CCDC83: variants seen among roughly 807,000 people sequenced by gnomAD.
CCDC83 encodes coiled-coil domain-containing protein 83.
A neutral mutation model predicts 50.1 loss-of-function variants in CCDC83; 54 were observed. The observed-to-expected ratio is 1.08, with a 90% CI of 0.87 to 1.35. The LOEUF (loss-of-function observed/expected upper bound fraction) is 1.35. Ranked by LOEUF, CCDC83 falls within the 40% of genes most tolerant of loss-of-function variation. CCDC83 has a pLI of 0.00. For missense variants in CCDC83, 518 were observed against 473.9 expected, an observed-to-expected ratio of 1.09 and a Z score of -0.86; for synonymous variants, 161 against 153.3, an observed-to-expected ratio of 1.05 and a Z score of -0.37.
At chr11:85,909,692 A>G (rs113193495) in intron 7 of CCDC83, among the ~76,000 whole-genome samples, 61 of 127,704 alleles carry the variant, frequency 4.8e-4, no homozygotes, top group African/African-American at 1.8e-3. Flanking sequence ...GCGTGATCTC[A>G]GCTCACTGTG....
chr11:85,910,419 T>C lies in CCDC83; in HGVS notation c.673-862T>C, dbSNP rs2093448262. Among the ~76,000 whole-genome samples the C allele has an allele frequency of 2.0e-5, 3 of 152,200 alleles. No individual in the cohort carries two copies. The South Asian group carries it at 6.2e-4, about 31-fold the overall frequency. ...AACAATATTTCATCTACCTGACAGT[T>C]CTCAGAATTACCTAGCACTCAGAGA... On this transcript the variant is annotated intron_variant, in intron 7 of 10. Coordinates refer to ENST00000342404, the MANE Select transcript of CCDC83 (RefSeq NM_001286159.2).
At chr11:85,908,264 T>C (rs2135125391) in intron 7 of CCDC83, among the ~76,000 whole-genome samples, 1 of 152,268 alleles carries the variant, frequency 6.6e-6, no homozygotes, top group South Asian at 2.1e-4. Context: ...GAAGGAGCCA[T>C]GCCTTATTCA....
Position 85,919,560 on chromosome 11 carries a change from G to A in CCDC83, c.*50G>A. ...AACTTTTCCTTATAAATGTTCTTTG[G>A]GAACTGAAGTATATCCGTTGCCCAT... On this transcript the variant is annotated 3_prime_UTR_variant, in exon 11 of 11. Coordinates refer to ENST00000342404, the MANE Select transcript of CCDC83 (RefSeq NM_001286159.2). 2.8e-6 allele frequency: 4 copies of A among 1,405,808 alleles called. No homozygotes were observed. The highest frequency in any genetic ancestry group is 3.9e-6 in the Non-Finnish European group (4 of 1,016,780). The allele number at this position is 1,405,808 out of a possible 1,614,324, so 87.1% of individuals were successfully genotyped here.
At chr11:85,879,777 G>A (rs2135024854) in intron 3 of CCDC83, among the ~76,000 whole-genome samples, 1 of 152,218 alleles carries the variant, frequency 6.6e-6, no homozygotes, top group Non-Finnish European at 1.5e-5. Context: ...CTGCCACCAT[G>A]CCCGGCTAAT....
At chr11:85,881,385 A>C (rs1047243216) in intron 3 of CCDC83, among the ~76,000 whole-genome samples, 5 of 151,964 alleles carry the variant, frequency 3.3e-5, no homozygotes, top group Non-Finnish European at 7.4e-5. Context: ...CCCAAAAAAA[A>C]AAAGTTTCAG....
At chr11:85,909,071 C>G (rs1335580515) in intron 7 of CCDC83, among the ~76,000 whole-genome samples, 1 of 152,154 alleles carries the variant, frequency 6.6e-6, no homozygotes, top group Admixed American at 6.5e-5. Context: ...GTAGTGGGGA[C>G]TACAGGTGCA....
intron 4 of CCDC83, among the ~76,000 whole-genome samples, chr11:85,885,295 A>G (rs12290218): frequency 0.015 from 2,348 of 152,304 alleles, 56 homozygotes; most frequent in African/African-American, 0.054. Flanking sequence ...ACTGAAGAAT[A>G]TCACCCTGGC....
At chr11:85,915,273 C>A (rs2093472526) in intron 8 of CCDC83, 146 bp from the exon 9 acceptor site, 2 of 594,878 alleles carry the variant, frequency 3.4e-6, no homozygotes, top group Non-Finnish European at 5.9e-6. Flanking sequence ...TCTGCCACCC[C>A]ACTGGGCTTT....
chr11:85,887,599 G>A (rs190811286), intron 5 of CCDC83, among the ~76,000 whole-genome samples: 27 of 151,942 alleles, frequency 1.8e-4, no homozygotes, highest in African/African-American at 6.5e-4. Flanking sequence ...CCCTCTGTCC[G>A]CACTCAAATC....
At chr11:85,874,163 T>C (rs79435802) in intron 3 of CCDC83, among the ~76,000 whole-genome samples, 21,331 of 152,174 alleles carry the variant, frequency 0.14, 1,814 homozygotes, top group Middle Eastern at 0.2. Flanking sequence ...TCAGTACATA[T>C]TTAGTGGATA....
intron 9 of CCDC83, 144 bp from the exon 10 acceptor site, chr11:85,915,884 A>G: frequency 1.6e-6 from 1 of 627,966 alleles, no homozygotes; most frequent in Non-Finnish European, 2.8e-6. Flanking sequence ...TACAAATGGG[A>G]CTCCCTCTTA....
At chr11:85,881,701 G>A (rs1258127406) in intron 3 of CCDC83, among the ~76,000 whole-genome samples, 1 of 152,180 alleles carries the variant, frequency 6.6e-6, no homozygotes, top group Non-Finnish European at 1.5e-5. Context: ...TTACAGGCAT[G>A]AGCCACCACA....
At chr11:85,866,903 A>G (rs1301835736) in intron 2 of CCDC83, among the ~76,000 whole-genome samples, 1 of 152,110 alleles carries the variant, frequency 6.6e-6, no homozygotes, top group African/African-American at 2.4e-5. Flanking sequence ...CAGGCCAGAA[A>G]CTGAGAAAAG....
intron 8 of CCDC83, 125 bp downstream of exon 8, chr11:85,911,527 G>A: frequency 5.4e-6 from 4 of 747,102 alleles, no homozygotes; most frequent in Non-Finnish European, 6.1e-6. Context: ...AAAAAGAAAG[G>A]GACAAAAAAA....
chr11:85,871,658 G>A (rs2093238211), intron 2 of CCDC83, among the ~76,000 whole-genome samples: 1 of 152,140 alleles, frequency 6.6e-6, no homozygotes, highest in Non-Finnish European at 1.5e-5. Flanking sequence ...TGCAGAGCTA[G>A]GTATTTTTAT....
intron 1 of CCDC83, among the ~76,000 whole-genome samples, chr11:85,862,952 T>C (rs1365009138): frequency 6.6e-6 from 1 of 152,254 alleles, no homozygotes; most frequent in African/African-American, 2.4e-5. Flanking sequence ...TTTTCACTCA[T>C]ATTTTATTAA....
At chr11:85,911,526 G>T (rs1417030577) in intron 8 of CCDC83, 124 bp downstream of exon 8, 1 of 758,540 alleles carries the variant, frequency 1.3e-6, no homozygotes, top group Non-Finnish European at 2.0e-6. Flanking sequence ...CAAAAAGAAA[G>T]GGACAAAAAA....
intron 3 of CCDC83, among the ~76,000 whole-genome samples, chr11:85,873,677 G>A (rs376609250): frequency 3.2e-4 from 49 of 152,156 alleles, no homozygotes; most frequent in Non-Finnish European, 5.6e-4. Context: ...GAGAGTATGC[G>A]TATGTAAATA....
At chr11:85,860,853 G>A (rs1156714266) in intron 1 of CCDC83, among the ~76,000 whole-genome samples, 1 of 152,202 alleles carries the variant, frequency 6.6e-6, no homozygotes, top group Non-Finnish European at 1.5e-5. Context: ...TGCAGCTGGA[G>A]GCCATTATCC....
Sources: gnomAD v4.1 joint callset for allele counts (sites outside exome capture counted in the v4.1 genomes callset) on GRCh38, gnomAD v4.1.1 for gene constraint, MANE v1.5 for transcripts, NCBI Gene and HGNC (gene_info 2026-07-23, HGNC 2026-07-21) for gene names.